TEAD1: variants seen among roughly 807,000 people sequenced by gnomAD.
TEAD1 encodes transcriptional enhancer factor TEF-1.
A neutral mutation model predicts 54.9 loss-of-function variants in TEAD1; 9 were observed. That is an observed-to-expected ratio of 0.16 (90% CI 0.10 to 0.29). TEAD1 has a LOEUF of 0.29. Among genes scored for constraint, TEAD1 ranks in the 10% least tolerant of loss-of-function variants. The pLI is 1.00. For synonymous variants in TEAD1, 200 were observed against 187.8 expected (o/e 1.07, Z -0.53); for missense variants, 387 against 535.9 (o/e 0.72, Z 2.74).
intron 3 of TEAD1, among the ~76,000 whole-genome samples, chr11:12,814,441 T>C (rs1266026039): frequency 6.6e-6 from 1 of 152,158 alleles, no homozygotes; most frequent in Non-Finnish European, 1.5e-5. Context: ...AGGCCCCCGC[T>C]GGCCTGGCTA....
intron 2 of TEAD1, among the ~76,000 whole-genome samples, chr11:12,694,387 C>T (rs750194733): frequency 6.6e-6 from 1 of 151,510 alleles, no homozygotes; most frequent in Non-Finnish European, 1.5e-5. Context: ...AGTTTACTTC[C>T]TTATATACAG....
chr11:12,882,052 T>G, intron 8 of TEAD1, 95 bp downstream of exon 8: 1 of 1,385,506 alleles, frequency 7.2e-7, no homozygotes, highest in East Asian at 2.3e-5. Context: ...GATGCTCAAC[T>G]TTGCCACAGC....
intron 3 of TEAD1, among the ~76,000 whole-genome samples, chr11:12,851,595 A>AC (rs56012313): frequency 0.11 from 17,179 of 152,116 alleles, 1,162 homozygotes; most frequent in South Asian, 0.27. Context: ...GGAGTTCGAG[A>AC]CCAGCCTGGC....
chr11:12,737,406 C>G (rs1433535551), intron 2 of TEAD1, among the ~76,000 whole-genome samples: 2 of 152,018 alleles, frequency 1.3e-5, no homozygotes, highest in Non-Finnish European at 2.9e-5. Context: ...GAGTAAGACT[C>G]AAGACCTTAG....
intron 11 of TEAD1, among the ~76,000 whole-genome samples, chr11:12,929,461 A>C (rs1357685851): frequency 6.8e-6 from 1 of 147,512 alleles, no homozygotes. Flanking sequence ...TGTGTGTTTT[A>C]TTCTGTAAAT....
chr11:12,743,182 C>T (rs1162566944), intron 2 of TEAD1, among the ~76,000 whole-genome samples: 1 of 152,188 alleles, frequency 6.6e-6, no homozygotes, highest in African/African-American at 2.4e-5. Context: ...CTGTTCCCCT[C>T]CGCAGAAAAG....
At chr11:12,729,064 A>T (rs1009060298) in intron 2 of TEAD1, among the ~76,000 whole-genome samples, 1 of 152,200 alleles carries the variant, frequency 6.6e-6, no homozygotes, top group Non-Finnish European at 1.5e-5. Context: ...TCTCTCTAAT[A>T]TTAGAGGAGC....
intron 2 of TEAD1, among the ~76,000 whole-genome samples, chr11:12,711,309 G>A (rs1943933855): frequency 6.6e-6 from 1 of 152,222 alleles, no homozygotes; most frequent in African/African-American, 2.4e-5. Flanking sequence ...TAGAGCAGGA[G>A]TTGGAAGAGA....
intron 3 of TEAD1, among the ~76,000 whole-genome samples, chr11:12,809,733 T>G (rs1429575693): frequency 6.6e-6 from 1 of 152,188 alleles, no homozygotes; most frequent in Non-Finnish European, 1.5e-5. Flanking sequence ...GGGGGCTGGC[T>G]GGGCCACTGT....
Position 12,939,302 on chromosome 11 carries a change from C to G in TEAD1, c.*2080C>G, listed in dbSNP as rs1463874413. 1 of 152,296 alleles carries G rather than the reference C, an allele frequency of 6.6e-6. No individual in the cohort carries two copies. The highest frequency in any genetic ancestry group is 6.5e-5 in the Admixed American group (1 of 15,282). The allele number at this position is 152,296 out of a possible 1,614,324, so 9.4% of individuals were successfully genotyped here. A position where few individuals can be genotyped will look rare whatever the true frequency, so the allele number is the denominator to read the frequency against. On this transcript the variant is annotated 3_prime_UTR_variant, in exon 13 of 13. Coordinates refer to ENST00000527636, the MANE Select transcript of TEAD1 (RefSeq NM_021961.6). ...ACAGTGACTTCTGTTGAACACCCCT[C>G]TTAGGGATGTTTCTTTTGCTCTTAT...
intron 2 of TEAD1, among the ~76,000 whole-genome samples, chr11:12,754,954 T>C (rs954993565): frequency 2.0e-5 from 3 of 152,208 alleles, no homozygotes; most frequent in Non-Finnish European, 4.4e-5. Flanking sequence ...GGACTACTTT[T>C]GTATGCAAAG....
chr11:12,680,814 G>A (rs1283409623), intron 2 of TEAD1, among the ~76,000 whole-genome samples: 1 of 152,192 alleles, frequency 6.6e-6, no homozygotes, highest in African/African-American at 2.4e-5. Context: ...CTGTCTGATG[G>A]TGCTTTCTGG....
intron 3 of TEAD1, among the ~76,000 whole-genome samples, chr11:12,782,239 G>A (rs1945571618): frequency 1.3e-5 from 2 of 152,198 alleles, no homozygotes; most frequent in African/African-American, 2.4e-5. Context: ...TAAATAAAAT[G>A]TGGTAATAGC....
chr11:12,694,334 C>T (rs979431175), intron 2 of TEAD1, among the ~76,000 whole-genome samples: 5 of 151,590 alleles, frequency 3.3e-5, no homozygotes, highest in South Asian at 4.2e-4. Flanking sequence ...CTAACACACT[C>T]GCCAGCCTGC....
At chr11:12,909,840 C>T (rs1948586012) in intron 10 of TEAD1, among the ~76,000 whole-genome samples, 2 of 152,240 alleles carry the variant, frequency 1.3e-5, no homozygotes, top group African/African-American at 2.4e-5. Context: ...TAAACCATCT[C>T]GGAAAATTAC....
intron 2 of TEAD1, among the ~76,000 whole-genome samples, chr11:12,712,655 G>A (rs997026726): frequency 4.6e-5 from 7 of 152,318 alleles, no homozygotes; most frequent in African/African-American, 1.7e-4. Flanking sequence ...TAGTATTGCT[G>A]CTATCACTAC....
intron 2 of TEAD1, among the ~76,000 whole-genome samples, chr11:12,721,638 T>C (rs555620595): frequency 1.3e-5 from 2 of 152,338 alleles, no homozygotes; most frequent in South Asian, 4.1e-4. Flanking sequence ...CCCAGCATTA[T>C]GCTAAGCATG....
intron 10 of TEAD1, among the ~76,000 whole-genome samples, chr11:12,917,032 C>T (rs887338693): frequency 5.3e-5 from 8 of 152,190 alleles, no homozygotes; most frequent in Non-Finnish European, 7.3e-5. Context: ...GACATGCCTC[C>T]TCTGTAGCCA....
intron 9 of TEAD1, among the ~76,000 whole-genome samples, chr11:12,888,623 G>T (rs914570555): frequency 3.9e-5 from 6 of 152,132 alleles, no homozygotes; most frequent in African/African-American, 1.2e-4. Flanking sequence ...AAATTTACTC[G>T]TTGGCTCACC....
Sources: allele counts gnomAD v4.1 joint callset (sites outside exome capture counted in the v4.1 genomes callset), GRCh38; gene constraint gnomAD v4.1.1; transcripts MANE v1.5; gene names NCBI Gene and HGNC (gene_info 2026-07-23, HGNC 2026-07-21).